Variants in TRDN observed in about 807,000 individuals in gnomAD.
TRDN encodes triadin in skeletal muscle.
TRDN carries 161 observed loss-of-function variants against 149.7 expected under a neutral mutation model. The ratio of observed to expected loss-of-function variants is 1.08; its 90% CI spans 0.95 to 1.23. The LOEUF is 1.23. Among genes scored for constraint, TRDN ranks in the 50% most tolerant of loss-of-function variants. The pLI is 0.00. For missense variants in TRDN, 896 were observed against 823.5 expected (o/e 1.09, Z -1.08); for synonymous variants, 294 against 250.5 (o/e 1.17, Z -1.64).
At chr6:123,307,826 T>G (rs1406920937) in intron 24 of TRDN, among the ~76,000 whole-genome samples, 2 of 152,052 alleles carry the variant, frequency 1.3e-5, no homozygotes, top group African/African-American at 4.8e-5. Flanking sequence ...TCTCGGTTCT[T>G]TTCTTTTTTC....
chr6:123,542,856 TTGCGTGTGTGTG>T (rs1447903943), intron 4 of TRDN, among the ~76,000 whole-genome samples: 1 of 118,432 alleles, frequency 8.4e-6, no homozygotes, highest in Non-Finnish European at 1.7e-5. Context: ...GTGTGCATGT[TTGCGTGTGTGTG>T]TGTGTGTGTG....
chr6:123,487,194 T>C (rs1019678016), intron 9 of TRDN, among the ~76,000 whole-genome samples: 2 of 152,008 alleles, frequency 1.3e-5, no homozygotes, highest in African/African-American at 4.8e-5. Flanking sequence ...GAAAGATATA[T>C]TGCTCCATTT....
At chr6:123,510,864 G>T (rs1779149099) in intron 7 of TRDN, among the ~76,000 whole-genome samples, 1 of 152,068 alleles carries the variant, frequency 6.6e-6, no homozygotes. Context: ...GGCTGGTTTT[G>T]AATTCCTGAC....
At chr6:123,379,558 T>A (rs1338407594) in intron 16 of TRDN, among the ~76,000 whole-genome samples, 1 of 152,162 alleles carries the variant, frequency 6.6e-6, no homozygotes, top group Admixed American at 6.5e-5. Flanking sequence ...AAAAAAGTAC[T>A]GGAAGCAGAT....
At chr6:123,376,282 C>A (rs1781500647) in intron 18 of TRDN, among the ~76,000 whole-genome samples, 1 of 152,140 alleles carries the variant, frequency 6.6e-6, no homozygotes, top group African/African-American at 2.4e-5. Flanking sequence ...TGAGGAAATG[C>A]AACTCTGAAC....
chr6:123,375,821 C>A (rs1028728037), intron 18 of TRDN, among the ~76,000 whole-genome samples, 190 bp from the exon 19 acceptor site: 3 of 152,066 alleles, frequency 2.0e-5, no homozygotes, highest in Admixed American at 2.0e-4. Context: ...AAATATATTC[C>A]ATGAATTATA....
chr6:123,293,033 T>C (rs1426546317), intron 24 of TRDN, among the ~76,000 whole-genome samples: 2 of 152,128 alleles, frequency 1.3e-5, no homozygotes, highest in Admixed American at 1.3e-4. Context: ...TATGATCCAG[T>C]ATGGGTGGGA....
At chr6:123,585,525 G>A (rs546656478) in intron 1 of TRDN, among the ~76,000 whole-genome samples, 10 of 152,250 alleles carry the variant, frequency 6.6e-5, no homozygotes, top group South Asian at 6.2e-4. Context: ...TGGTCTAGGG[G>A]GCTTCCGAGG....
intron 19 of TRDN, among the ~76,000 whole-genome samples, chr6:123,375,362 A>G (rs1356096835): frequency 3.9e-5 from 6 of 152,150 alleles, no homozygotes; most frequent in Non-Finnish European, 7.4e-5. Flanking sequence ...AAAATGTAAC[A>G]CTTCACAAAG....
chr6:123,231,664 T>C (rs1775606578), intron 38 of TRDN, among the ~76,000 whole-genome samples: 1 of 152,044 alleles, frequency 6.6e-6, no homozygotes, highest in African/African-American at 2.4e-5. Context: ...CTCACATATA[T>C]GGCCCAATCA....
chr6:123,324,821 A>G (rs1167534610), intron 23 of TRDN, among the ~76,000 whole-genome samples: 1 of 152,162 alleles, frequency 6.6e-6, no homozygotes, highest in Non-Finnish European at 1.5e-5. Context: ...TTTGAAAATA[A>G]TACATGACCT....
intron 9 of TRDN, among the ~76,000 whole-genome samples, chr6:123,466,786 T>C (rs1214519125): frequency 6.6e-6 from 1 of 152,104 alleles, no homozygotes; most frequent in Non-Finnish European, 1.5e-5. Context: ...TGAGTGTCCA[T>C]AAATATACAT....
chr6:123,439,883 TTGTAAA>T (rs1345768199), intron 10 of TRDN: 1 of 152,246 alleles, frequency 6.6e-6, no homozygotes, highest in African/African-American at 2.4e-5. Flanking sequence ...ACGGTTAATG[TTGTAAA>T]TGTACTGATT....
At chr6:123,588,630 C>T (rs1370491669) in intron 1 of TRDN, among the ~76,000 whole-genome samples, 2 of 152,134 alleles carry the variant, frequency 1.3e-5, no homozygotes, top group African/African-American at 4.8e-5. Flanking sequence ...AAAATACTAT[C>T]CCTAGTGTGC....
At chr6:123,632,163 A>G (rs1786038288) in intron 1 of TRDN, among the ~76,000 whole-genome samples, 2 of 152,018 alleles carry the variant, frequency 1.3e-5, no homozygotes, top group Admixed American at 1.3e-4. Context: ...GTTCCCAGGA[A>G]CTTATTTGAA....
At chr6:123,278,528 C>T (rs1044105095) in intron 25 of TRDN, among the ~76,000 whole-genome samples, 181 bp from the exon 26 acceptor site, 25 of 152,120 alleles carry the variant, frequency 1.6e-4, no homozygotes, top group African/African-American at 5.1e-4. Flanking sequence ...CAAACTAGTA[C>T]GTAACAACAG....
chr6:123,612,078 T>A (rs1784843594), intron 1 of TRDN, among the ~76,000 whole-genome samples: 1 of 151,620 alleles, frequency 6.6e-6, no homozygotes, highest in Non-Finnish European at 1.5e-5. Context: ...AGTGGTGATC[T>A]GCCATTTTCA....
At chr6:123,576,419 A>G (rs1371382307) in intron 1 of TRDN, among the ~76,000 whole-genome samples, 5 of 151,894 alleles carry the variant, frequency 3.3e-5, no homozygotes, top group Non-Finnish European at 7.4e-5. Flanking sequence ...TGTTTTTGCC[A>G]CTTAGTCTGT....
chr6:123,483,169 C>G (rs1430437348), intron 9 of TRDN, among the ~76,000 whole-genome samples: 1 of 150,836 alleles, frequency 6.6e-6, no homozygotes, highest in African/African-American at 2.4e-5. Flanking sequence ...GTGGCACGAT[C>G]TCGGCTCACT....
Sources: allele counts gnomAD v4.1 joint callset (sites outside exome capture counted in the v4.1 genomes callset), GRCh38; gene constraint gnomAD v4.1.1; transcripts MANE v1.5; gene names NCBI Gene and HGNC (gene_info 2026-07-23, HGNC 2026-07-21).